TOGARAM1: variants seen among roughly 807,000 people sequenced by gnomAD.
TOGARAM1 encodes TOG array regulator of axonemal microtubules 1, also known as TOG array regulator of axonemal microtubules protein 1.
In TOGARAM1, 100 loss-of-function variants were observed where a neutral mutation model predicts 166.6. That is an observed-to-expected ratio of 0.60 (90% CI 0.51 to 0.71). The LOEUF (loss-of-function observed/expected upper bound fraction) is 0.71, where lower values mean the gene tolerates loss of function less well. Ranked by LOEUF, TOGARAM1 falls within the 30% of genes least tolerant of loss-of-function variation. The pLI, the probability that TOGARAM1 is intolerant of heterozygous loss-of-function variation, is 0.00. For missense variants in TOGARAM1, 2,029 were observed against 2,102.7 expected (o/e 0.96, Z 0.69); for synonymous variants, 758 against 763.8 (o/e 0.99, Z 0.13).
At chr14:45,024,495 T>C (rs914136316) in intron 7 of TOGARAM1, among the ~76,000 whole-genome samples, 23 of 152,192 alleles carry the variant, frequency 1.5e-4, no homozygotes, top group African/African-American at 5.5e-4. Context: ...TAATGACAGC[T>C]TCTCTTATAA....
At position 45,001,847 on chromosome 14, in the gene TOGARAM1, A is replaced by G. The variant is rs1292868306; in HGVS notation, c.2339-2214A>G. Among the ~76,000 whole-genome samples the G allele has an allele frequency of 3.9e-5, 6 of 152,212 alleles. 1 individual carries two copies. The highest frequency in any genetic ancestry group is 8.8e-5 in the Non-Finnish European group (6 of 68,030). On this transcript the variant is annotated intron_variant, in intron 3 of 19. Coordinates refer to ENST00000361462, the MANE Select transcript of TOGARAM1 (RefSeq NM_001308120.2). ...TAAAAGCTACCCTTTCAGATAAGAC[A>G]TAAGATACAGAAGAGGAAAGATTGG...
At chr14:44,995,983 A>T in intron 2 of TOGARAM1, 81 bp downstream of exon 2, 1 of 1,174,540 alleles carries the variant, frequency 8.5e-7, no homozygotes. Context: ...GACTCATAGA[A>T]CTTTAATCTA....
At position 45,074,310 on chromosome 14, in the gene TOGARAM1, G is replaced by C. The variant is rs187491835; in HGVS notation, c.*749G>C. 6.6e-6 allele frequency: 1 copy of C among 152,488 alleles called. No individual in the cohort carries two copies. The highest frequency in any genetic ancestry group is 2.4e-5 in the African/African-American group (1 of 41,478). 9.4% of individuals were successfully genotyped at this position (152,488 alleles called of 1,614,324 possible). A position where few individuals can be genotyped will look rare whatever the true frequency, so the allele number is the denominator to read the frequency against. On this transcript the variant is annotated 3_prime_UTR_variant, in exon 20 of 20. Coordinates refer to ENST00000361462, the MANE Select transcript of TOGARAM1 (RefSeq NM_001308120.2). ...AGGTGTTATTCTGCTGCCCAGTTTT[G>C]TAATTCTCAAAAATAGTGCCAGGTC...
intron 11 of TOGARAM1, among the ~76,000 whole-genome samples, chr14:45,039,729 C>T (rs1287131497): frequency 6.6e-6 from 1 of 152,160 alleles, no homozygotes; most frequent in Non-Finnish European, 1.5e-5. Flanking sequence ...CTGTGGGGGG[C>T]AGGGGGGTTT....
intron 1 of TOGARAM1, among the ~76,000 whole-genome samples, chr14:44,966,111 C>T (rs937407803): frequency 2.6e-5 from 4 of 151,262 alleles, no homozygotes; most frequent in African/African-American, 7.3e-5. Flanking sequence ...CTGACCCACC[C>T]GCCTCGGCAT....
rs373499433 is a variant in TOGARAM1 at position 45,048,519 on chromosome 14, T to A, written c.4313+1816T>A. On this transcript the variant is annotated intron_variant, in intron 14 of 19. Coordinates refer to ENST00000361462, the MANE Select transcript of TOGARAM1 (RefSeq NM_001308120.2). ...TAGTTTTTCATTGCTGTGTAAAGTT[T>A]AACACAAATGTAGGAGCTTAAGGCA... is the stretch of plus-strand genomic sequence containing the variant. 1.4e-4 allele frequency among the ~76,000 whole-genome samples: 21 copies of A among 152,306 alleles called. No individual in the cohort carries two copies. The East Asian group carries it at 3.7e-3, about 27-fold the overall frequency.
chr14:45,034,437 A>T (rs576545685), intron 11 of TOGARAM1, among the ~76,000 whole-genome samples: 2 of 152,222 alleles, frequency 1.3e-5, no homozygotes, highest in African/African-American at 4.8e-5. Context: ...TCCAGAGATC[A>T]TAAGAGGATT....
chr14:45,019,619 C>T (rs531809356), intron 7 of TOGARAM1, among the ~76,000 whole-genome samples: 99 of 152,234 alleles, frequency 6.5e-4, no homozygotes, highest in African/African-American at 1.7e-3. Flanking sequence ...TGCTCTCAGG[C>T]GATAGATGAT....
chr14:45,044,540 C>CAAAA (rs11393574), intron 12 of TOGARAM1, 95 bp from the exon 13 acceptor site: 17 of 666,154 alleles, frequency 2.6e-5, no homozygotes, highest in African/African-American at 3.8e-5. Flanking sequence ...GACCCTAACT[C>CAAAA]AAAAAAAAAA....
chr14:45,054,680 C>A, intron 16 of TOGARAM1, 131 bp downstream of exon 16: 1 of 625,312 alleles, frequency 1.6e-6, no homozygotes. Flanking sequence ...TGCTTAGGAT[C>A]CAGAAAGTGT....
chr14:44,963,245 C>A lies in TOGARAM1; in HGVS notation c.824C>A (p.Thr275Lys). 6.2e-7 allele frequency: 1 copy of A among 1,614,172 alleles called. No individual in the cohort carries two copies. The highest frequency in any genetic ancestry group is 8.5e-7 in the Non-Finnish European group (1 of 1,180,042). The change falls in exon 1 of 20, where the codon ACA becomes AAA. Residue 275 changes from threonine (T) to lysine (K), a missense_variant. Thr to Lys is a moderately conservative substitution (Grantham distance 78). Around this residue, in one of 2 missense-constraint regions of TOGARAM1, gnomAD observed 1,453 missense variants for 1,432.2 expected, o/e 1.01. Coordinates refer to ENST00000361462, the MANE Select transcript of TOGARAM1 (RefSeq NM_001308120.2). ...CAGGAGACAGAAGAAGAATCTGAGA[C>A]AGCTTTCTCCGCACTTCAACAAATT... Reference protein sequence around the residue: ...GDQETEEESETAFSALQQIGE... With the variant: ...GDQETEEESEKAFSALQQIGE...
At chr14:45,005,143 G>T (rs1594645397) in intron 4 of TOGARAM1, among the ~76,000 whole-genome samples, 2 of 150,698 alleles carry the variant, frequency 1.3e-5, no homozygotes, top group South Asian at 4.2e-4. Flanking sequence ...TCAAACTCCC[G>T]ACCTCAGGTG....
At chr14:44,978,911 A>G (rs1374746627) in intron 1 of TOGARAM1, among the ~76,000 whole-genome samples, 1 of 151,364 alleles carries the variant, frequency 6.6e-6, no homozygotes, top group Non-Finnish European at 1.5e-5. Flanking sequence ...AGACAGGAGG[A>G]TCATTTGAGC....
chr14:44,994,338 T>A (rs955659391), intron 1 of TOGARAM1, among the ~76,000 whole-genome samples: 1 of 152,038 alleles, frequency 6.6e-6, no homozygotes, highest in Non-Finnish European at 1.5e-5. Context: ...AGGCTGGTCT[T>A]GAACTCTTGA....
intron 14 of TOGARAM1, 86 bp downstream of exon 14, chr14:45,046,789 A>T: frequency 9.0e-7 from 1 of 1,114,268 alleles, no homozygotes; most frequent in Non-Finnish European, 1.2e-6. Context: ...AAGAATGAAC[A>T]TTTTCTAAAT....
chr14:45,010,506 C>G (rs958947175), intron 6 of TOGARAM1, among the ~76,000 whole-genome samples: 2 of 152,206 alleles, frequency 1.3e-5, no homozygotes, highest in African/African-American at 4.8e-5. Context: ...CCTACAGTTG[C>G]AAGGTTGTGT....
intron 10 of TOGARAM1, among the ~76,000 whole-genome samples, chr14:45,029,724 A>T (rs1881051323): frequency 6.6e-6 from 1 of 152,216 alleles, no homozygotes; most frequent in Non-Finnish European, 1.5e-5. Flanking sequence ...GACAATATTT[A>T]GCTTCTAGAA....
intron 16 of TOGARAM1, among the ~76,000 whole-genome samples, chr14:45,060,507 C>T (rs181527408): frequency 6.6e-6 from 1 of 152,252 alleles, no homozygotes; most frequent in African/African-American, 2.4e-5. Context: ...TGAGCCACCA[C>T]ACCCAGCCAG....
At chr14:45,028,026 C>T in intron 9 of TOGARAM1, 150 bp from the exon 10 acceptor site, 4 of 529,156 alleles carry the variant, frequency 7.6e-6, no homozygotes, top group Non-Finnish European at 1.3e-5. Context: ...ACTATATATA[C>T]ATATATATGT....
Sources: allele counts gnomAD v4.1 joint callset (sites outside exome capture counted in the v4.1 genomes callset), GRCh38; gene constraint gnomAD v4.1.1; regional missense constraint gnomAD v4.1.1; transcripts MANE v1.5; gene names NCBI Gene and HGNC (gene_info 2026-07-23, HGNC 2026-07-21).